Variants in ABCA8 observed in about 807,000 individuals in gnomAD.
ABCA8 encodes ATP binding cassette subfamily A member 8, also known as ABC-type organic anion transporter ABCA8.
In ABCA8, 177 loss-of-function variants were observed where a neutral mutation model predicts 192.3. That is an observed-to-expected ratio of 0.92 (90% CI 0.81 to 1.04). ABCA8 has a LOEUF of 1.04. Among genes scored for constraint, ABCA8 ranks in the 50% least tolerant of loss-of-function variants. ABCA8 has a pLI of 0.00. For missense variants in ABCA8, 1,915 were observed against 1,904.8 expected (o/e 1.01, Z -0.10); for synonymous variants, 642 against 690.2 (o/e 0.93, Z 1.09).
At chr17:68,938,999 C>T (rs2068151903) in intron 4 of ABCA8, among the ~76,000 whole-genome samples, 1 of 152,100 alleles carries the variant, frequency 6.6e-6, no homozygotes, top group South Asian at 2.1e-4. Context: ...AAAAATCATG[C>T]CCATATGAAT....
At chr17:68,885,375 G>C in intron 26 of ABCA8, 60 bp from the exon 27 acceptor site, 1 of 1,512,170 alleles carries the variant, frequency 6.6e-7, no homozygotes, top group South Asian at 1.3e-5. Flanking sequence ...TCCAAATCGA[G>C]ATGGCTCATC....
At chr17:68,901,754 G>A (rs1272592957) in intron 21 of ABCA8, among the ~76,000 whole-genome samples, 1 of 149,646 alleles carries the variant, frequency 6.7e-6, no homozygotes, top group Non-Finnish European at 1.5e-5. Flanking sequence ...GTTGCAGTGA[G>A]CCGAAATTGT....
In ABCA8 at chr17:68,877,504, G is replaced by C. The variant is rs1046520799; in HGVS notation, c.4199+15C>G. On this transcript the variant is annotated intron_variant, in intron 33 of 39. Transcript: ENST00000586539. The stretch of plus-strand genomic sequence containing the variant: ...CCTCCCTTGGGTATAGAACAGATGT[G>C]GCTCCTCTGTGTACCGTGTGATGGC... 6 of 1,606,824 alleles carry C rather than the reference G, an allele frequency of 3.7e-6. No homozygotes were observed. The highest frequency in any genetic ancestry group is 3.4e-6 in the Non-Finnish European group (4 of 1,176,024).
intron 2 of ABCA8, among the ~76,000 whole-genome samples, chr17:68,945,566 T>C (rs1389795735): frequency 2.0e-5 from 3 of 152,198 alleles, no homozygotes; most frequent in Non-Finnish European, 4.4e-5. Flanking sequence ...ATTCTTCTAA[T>C]AATCTCAAGT....
chr17:68,881,005 T>A, intron 32 of ABCA8, 115 bp downstream of exon 32: 1 of 743,934 alleles, frequency 1.3e-6, no homozygotes, highest in South Asian at 1.5e-5. Flanking sequence ...CTTGGGTAGT[T>A]CATTAATCAC....
At chr17:68,922,384 T>C in intron 11 of ABCA8, 84 bp from the exon 12 acceptor site, 3 of 960,738 alleles carry the variant, frequency 3.1e-6, no homozygotes, top group Non-Finnish European at 3.0e-6. Flanking sequence ...GGATAAATCT[T>C]AACTTCAGGA....
chr17:68,918,544 T>A lies in ABCA8; in HGVS notation c.1791A>T (p.Ile597=). 4 of 1,494,996 alleles carry A rather than the reference T, an allele frequency of 2.7e-6. No individual in the cohort carries two copies. The highest frequency in any genetic ancestry group is 3.5e-6 in the Non-Finnish European group (4 of 1,133,596). 92.6% of individuals were successfully genotyped at this position (1,494,996 alleles called of 1,614,324 possible). Residue 597 remains isoleucine (I), a splice_region_variant and synonymous_variant, in exon 15 of 40, where the codon ATA becomes ATT. Transcript: ENST00000586539. ...GILPQEVDKE[I]QRVLLELEMK... ...TTTCCAATTCCAGCAGAACCCTTTG[T>A]ATCTAACCAAAAGACAGTATTTATG...
intron 1 of ABCA8, among the ~76,000 whole-genome samples, chr17:68,950,209 A>G (rs1280286213): frequency 1.3e-5 from 2 of 152,196 alleles, no homozygotes; most frequent in Non-Finnish European, 2.9e-5. Context: ...AACAAATGGA[A>G]AAACATTTCG....
rs188252394 is a variant in ABCA8, at chr17:68,900,727, T to G, written c.2764+1986A>C. 3.3e-5 allele frequency among the ~76,000 whole-genome samples: 5 copies of G among 152,120 alleles called. No homozygotes were observed. In the East Asian group the frequency reaches 7.7e-4, roughly 24 times the overall value. Reference sequence around the variant, plus strand: ...CAAATCTGGGAGAAAATGGAAAGGATTATACACCATGACCAAGTATGATTT... The same window carrying G: ...CAAATCTGGGAGAAAATGGAAAGGAGTATACACCATGACCAAGTATGATTT... On this transcript the variant is annotated intron_variant, in intron 21 of 39. Coordinates refer to ENST00000586539, the MANE Select transcript of ABCA8 (RefSeq NM_001288985.2).
At chr17:68,885,449 T>G (rs2066433152) in intron 26 of ABCA8, 134 bp from the exon 27 acceptor site, 2 of 825,852 alleles carry the variant, frequency 2.4e-6, no homozygotes, top group Non-Finnish European at 3.6e-6. Flanking sequence ...ATATCTCCAT[T>G]AACAGTTTAT....
At chr17:68,878,480 C>G (rs1303419387) in intron 32 of ABCA8, 1 of 152,100 alleles carries the variant, frequency 6.6e-6, no homozygotes, top group South Asian at 2.1e-4. Flanking sequence ...ATGTGTCCTT[C>G]CAGCCATAGA....
chr17:68,954,469 C>T (rs1027070828), intron 1 of ABCA8, among the ~76,000 whole-genome samples: 1 of 152,136 alleles, frequency 6.6e-6, no homozygotes, highest in Non-Finnish European at 1.5e-5. Flanking sequence ...TATGTAAAGG[C>T]TAGCAAAAAC....
rs759446562 is a variant in ABCA8 at position 68,895,007 on chromosome 17, C to T, written c.2771G>A (p.Ser924Asn). 6.2e-7 allele frequency: 1 copy of T among 1,607,446 alleles called. No individual in the cohort carries two copies. Among genetic ancestry groups the T allele is most frequent in the South Asian group, 1.1e-5 (1 of 89,172 alleles). The change falls in exon 22 of 40, where the codon AGC (serine) becomes AAC (asparagine). Residue 924 changes from serine (S) to asparagine (N), a missense_variant. Coordinates refer to ENST00000586539, the MANE Select transcript of ABCA8 (RefSeq NM_001288985.2). ...QLLIINKTGA[S>N]IDDFIQSVEH... ...CACAGACTGTATAAAGTCATCAATG[C>T]TTGCCCCTAAGGTGTAGTTAAAGAT...
intron 4 of ABCA8, 23 bp downstream of exon 4, chr17:68,940,735 T>C (rs1217169726): frequency 6.3e-7 from 1 of 1,585,422 alleles, no homozygotes; most frequent in Non-Finnish European, 8.7e-7. Context: ...CAGACATTCT[T>C]CTTAAGTAAC....
rs377266833 is a variant in ABCA8, at chr17:68,903,431, G to T, written c.2467C>A (p.Gln823Lys). 5 of 1,614,138 alleles carry T rather than the reference G, an allele frequency of 3.1e-6. No individual in the cohort carries two copies. The East Asian group carries it at 8.9e-5, about 29-fold the overall frequency. Reference protein sequence around the residue: ...DDTERLVEMEQVLSSLNKMRK... With the variant: ...DDTERLVEMEKVLSSLNKMRK... ...ATCTTGTTAAGTGAAGAGAGGACTTGTTCCATCTCAACAAGCCTTTCAGTG... is the reference window on the plus strand; with the variant it reads ...ATCTTGTTAAGTGAAGAGAGGACTTTTTCCATCTCAACAAGCCTTTCAGTG... Residue 823 changes from glutamine to lysine, a missense_variant, in exon 20 of 40, where the codon CAA becomes AAA. By Grantham distance (53) the Gln-to-Lys change is moderately conservative. Coordinates refer to ENST00000586539, the MANE Select transcript of ABCA8 (RefSeq NM_001288985.2).
intron 17 of ABCA8, among the ~76,000 whole-genome samples, chr17:68,916,229 A>G (rs2067358429): frequency 6.6e-6 from 1 of 152,010 alleles, no homozygotes; most frequent in African/African-American, 2.4e-5. Flanking sequence ...AGATTATATT[A>G]CATGTGAATA....
chr17:68,912,506 G>A (rs1368182916), intron 17 of ABCA8, among the ~76,000 whole-genome samples: 1 of 151,960 alleles, frequency 6.6e-6, no homozygotes, highest in Non-Finnish European at 1.5e-5. Context: ...AGGAGATAAA[G>A]AAAGAGATAA....
intron 9 of ABCA8, among the ~76,000 whole-genome samples, chr17:68,928,308 G>A (rs2067758615): frequency 6.6e-6 from 1 of 152,176 alleles, no homozygotes; most frequent in Admixed American, 6.5e-5. Context: ...GAAACATTAG[G>A]AGGAAGTAGG....
intron 19 of ABCA8, among the ~76,000 whole-genome samples, chr17:68,905,015 C>T (rs1382354107): frequency 6.6e-6 from 1 of 152,196 alleles, no homozygotes; most frequent in African/African-American, 2.4e-5. Flanking sequence ...TTCAAAGTCA[C>T]GTCTAAGGGA....
Sources: allele counts gnomAD v4.1 joint callset (sites outside exome capture counted in the v4.1 genomes callset), GRCh38; gene constraint gnomAD v4.1.1; transcripts MANE v1.5; gene names NCBI Gene and HGNC (gene_info 2026-07-23, HGNC 2026-07-21).